The following SLC27A6 variants were observed in gnomAD, a reference collection of about 807,000 sequenced individuals.
SLC27A6 encodes the protein solute carrier family 27 member 6, also known as long-chain fatty acid transport protein 6.
Under a neutral mutation model 63.9 loss-of-function variants are expected in SLC27A6, and 74 were observed. The observed-to-expected ratio is 1.16, with a 90% CI of 0.96 to 1.40. The LOEUF (loss-of-function observed/expected upper bound fraction) is 1.40, where lower values mean the gene tolerates loss of function less well. SLC27A6 is among the 40% of genes most tolerant of loss of function. The probability of loss-of-function intolerance (pLI) is 0.00; values close to 1 mark genes in which losing one functional copy is unlikely to be tolerated. For missense variants in SLC27A6, 794 were observed against 732.9 expected (o/e 1.08, Z -0.96); for synonymous variants, 287 against 260.8 (o/e 1.10, Z -0.97).
At position 128,985,178 on chromosome 5, in the gene SLC27A6, A is replaced by C. The variant is rs747636137; in HGVS notation, c.527A>C (p.Asn176Thr). Residue 176 changes from asparagine (N) to threonine (T), a missense_variant, in exon 2 of 10, where the codon AAT becomes ACT. Transcript: ENST00000262462. ...GAAATCCTTCCAAGCCTCTCAGAAA[A>C]TATCAGTGTTTGGGGGATGAAAGAT... is the stretch of plus-strand genomic sequence containing the variant. ...VEEILPSLSE[N>T]ISVWGMKDSV... The C allele has an allele frequency of 4.3e-6, 7 of 1,613,898 alleles. No individual in the cohort carries two copies. The East Asian group carries it at 1.6e-4, about 36-fold the overall frequency.
chr5:128,967,892 C>T (rs1222556109), intron 1 of SLC27A6, among the ~76,000 whole-genome samples: 2 of 152,038 alleles, frequency 1.3e-5, no homozygotes, highest in African/African-American at 4.8e-5. Flanking sequence ...GGTATTCCTC[C>T]TAATGCTATC....
chr5:129,030,604 C>G (rs1752386933), intron 9 of SLC27A6, among the ~76,000 whole-genome samples: 1 of 151,902 alleles, frequency 6.6e-6, no homozygotes, highest in Non-Finnish European at 1.5e-5. Flanking sequence ...CAACAACCCT[C>G]TGAAACACTA....
intron 1 of SLC27A6, among the ~76,000 whole-genome samples, chr5:128,967,400 C>A (rs1314292190): frequency 2.0e-5 from 3 of 152,124 alleles, no homozygotes; most frequent in African/African-American, 7.2e-5. Flanking sequence ...TTGGTGTAAT[C>A]TAAATGGTTT....
Position 128,966,293 on chromosome 5 carries a change from G to C in SLC27A6, c.156G>C (p.Glu52Asp). ...IRLKKYEKRG[E>D]LVTVLDKFLS... ...TGAAGAAGTATGAAAAGAGAGGGGAGCTGGTGACTGTGCTGGATAAATTCT... is the reference window on the plus strand; with the variant it reads ...TGAAGAAGTATGAAAAGAGAGGGGACCTGGTGACTGTGCTGGATAAATTCT... The change falls in exon 1 of 10, where the codon GAG becomes GAC. Residue 52 changes from glutamate (E) to aspartate (D), a missense_variant. Coordinates refer to ENST00000262462, the MANE Select transcript of SLC27A6 (RefSeq NM_001017372.3). 2 of 1,614,024 alleles carry C rather than the reference G, an allele frequency of 1.2e-6. No homozygotes were observed. Among genetic ancestry groups the C allele is most frequent in the Non-Finnish European group, 8.5e-7 (1 of 1,179,956 alleles).
At chr5:128,969,175 T>C (rs1380004760) in intron 1 of SLC27A6, among the ~76,000 whole-genome samples, 1 of 152,208 alleles carries the variant, frequency 6.6e-6, no homozygotes, top group African/African-American at 2.4e-5. Flanking sequence ...AGCCCTGTAG[T>C]ATAGTTTGAA....
chr5:128,990,282 A>T (rs1750932226), intron 3 of SLC27A6, 58 bp from the exon 4 acceptor site: 1 of 1,542,034 alleles, frequency 6.5e-7, no homozygotes, highest in African/African-American at 1.4e-5. Flanking sequence ...TTCATGTTTT[A>T]TGTTCATTCT....
chr5:128,988,718 T>C lies in SLC27A6; in HGVS notation c.804T>C (p.Ser268=). The change falls in exon 3 of 10, where the codon AGT becomes AGC. Residue 268 remains serine (S), a synonymous_variant. Transcript: ENST00000262462. ...IVYITLPLYH[S]SAAILGISGC... is the part of the protein sequence containing the mutation. ...ATATAACCCTTCCTCTGTATCATAG[T>C]TCAGCAGCTATCCTGGGAATTTCTG... 1 of 1,613,658 alleles carries C rather than the reference T, an allele frequency of 6.2e-7. No homozygotes were observed. Among genetic ancestry groups the C allele is most frequent in the Non-Finnish European group, 8.5e-7 (1 of 1,179,762 alleles).
chr5:128,999,156 A>C (rs1338463378), intron 4 of SLC27A6, among the ~76,000 whole-genome samples: 1 of 152,138 alleles, frequency 6.6e-6, no homozygotes, highest in Admixed American at 6.5e-5. Context: ...TTAATGAGTT[A>C]ACTCAAGTAG....
intron 4 of SLC27A6, among the ~76,000 whole-genome samples, chr5:129,015,078 AT>A (rs1394272529): frequency 6.6e-6 from 1 of 152,210 alleles, no homozygotes; most frequent in East Asian, 1.9e-4. Context: ...TTATTATTAC[AT>A]CTTGTTATTT....
At chr5:129,012,687 A>T (rs2150148220) in intron 4 of SLC27A6, among the ~76,000 whole-genome samples, 1 of 152,186 alleles carries the variant, frequency 6.6e-6, no homozygotes, top group South Asian at 2.1e-4. Flanking sequence ...ATTATTAACT[A>T]TCCCTCTTTA....
intron 4 of SLC27A6, among the ~76,000 whole-genome samples, chr5:128,994,119 A>G (rs910450292): frequency 2.6e-5 from 4 of 152,036 alleles, no homozygotes; most frequent in African/African-American, 9.7e-5. Context: ...GTGAGCCGAG[A>G]TTGTGCCACT....
intron 1 of SLC27A6, among the ~76,000 whole-genome samples, chr5:128,970,878 T>G (rs1750128101): frequency 6.6e-6 from 1 of 151,962 alleles, no homozygotes; most frequent in Non-Finnish European, 1.5e-5. Context: ...CTTTCCTGCT[T>G]TCTCTTGTGG....
At chr5:128,999,712 A>G (rs1751270783) in intron 4 of SLC27A6, among the ~76,000 whole-genome samples, 1 of 151,908 alleles carries the variant, frequency 6.6e-6, no homozygotes, top group Admixed American at 6.6e-5. Flanking sequence ...CCTCCCTTGG[A>G]CTGTTCCCCC....
chr5:129,028,869 C>A (rs1752330749), intron 8 of SLC27A6, among the ~76,000 whole-genome samples: 1 of 151,896 alleles, frequency 6.6e-6, no homozygotes. Context: ...AATTTGGACT[C>A]ATTATCCTTA....
chr5:128,994,226 AATG>A (rs1413046854), intron 4 of SLC27A6, among the ~76,000 whole-genome samples: 1 of 152,164 alleles, frequency 6.6e-6, no homozygotes, highest in Non-Finnish European at 1.5e-5. Flanking sequence ...TCAAAGAAAA[AATG>A]ATGTTTATCA....
intron 1 of SLC27A6, among the ~76,000 whole-genome samples, chr5:128,980,667 T>C (rs896839392): frequency 3.3e-5 from 5 of 152,204 alleles, no homozygotes; most frequent in African/African-American, 4.8e-5. Flanking sequence ...TGTGGCAAGA[T>C]CTCTAATTTC....
At chr5:129,028,683 T>G (rs1189208532) in intron 8 of SLC27A6, among the ~76,000 whole-genome samples, 1 of 151,638 alleles carries the variant, frequency 6.6e-6, no homozygotes, top group Non-Finnish European at 1.5e-5. Flanking sequence ...TAGCAAAGCT[T>G]GAAAACTCTG....
chr5:128,982,325 A>C (rs546544874), intron 1 of SLC27A6, among the ~76,000 whole-genome samples: 241 of 152,322 alleles, frequency 1.6e-3, no homozygotes, highest in African/African-American at 5.4e-3. Context: ...AACTTATGAA[A>C]GAAGTGACAT....
At chr5:129,015,525 T>C (rs1751861992) in intron 4 of SLC27A6, among the ~76,000 whole-genome samples, 1 of 152,214 alleles carries the variant, frequency 6.6e-6, no homozygotes, top group Admixed American at 6.5e-5. Context: ...AGCTAATTAC[T>C]GCTAAGCCTG....
Sources: allele counts gnomAD v4.1 joint callset (sites outside exome capture counted in the v4.1 genomes callset), GRCh38; gene constraint gnomAD v4.1.1; transcripts MANE v1.5; gene names NCBI Gene and HGNC (gene_info 2026-07-23, HGNC 2026-07-21).